Variants in KALRN observed in about 807,000 individuals in gnomAD.
The protein encoded by KALRN is kalirin RhoGEF kinase.
A neutral mutation model predicts 353.7 loss-of-function variants in KALRN; 70 were observed. That is an observed-to-expected ratio of 0.20 (90% CI 0.16 to 0.24). The LOEUF (loss-of-function observed/expected upper bound fraction) is 0.24. Among genes scored for constraint, KALRN ranks in the 10% least tolerant of loss-of-function variants. The pLI is 1.00. For missense variants in KALRN, 2,791 were observed against 3,756.7 expected, an observed-to-expected ratio of 0.74 and a Z score of 6.72; for synonymous variants, 1,391 against 1,434.8, an observed-to-expected ratio of 0.97 and a Z score of 0.69.
intron 19 of KALRN, among the ~76,000 whole-genome samples, chr3:124,443,592 A>T (rs893755228): frequency 6.6e-6 from 1 of 152,224 alleles, no homozygotes; most frequent in Admixed American, 6.5e-5. Flanking sequence ...ATTTGAAAGC[A>T]TATGTTCTGG....
intron 1 of KALRN, among the ~76,000 whole-genome samples, chr3:124,100,932 T>C (rs1182297940): frequency 6.6e-6 from 1 of 152,202 alleles, no homozygotes; most frequent in Non-Finnish European, 1.5e-5. Context: ...GAACTGCTTG[T>C]TGTCATCCTT....
intron 16 of KALRN, 67 bp from the exon 17 acceptor site, chr3:124,434,240 C>A: frequency 7.9e-7 from 1 of 1,261,672 alleles, no homozygotes; most frequent in Non-Finnish European, 1.1e-6. Context: ...TCACGCCTCA[C>A]TCCACCCCCT....
chr3:124,063,199 A>G (rs1419823049), intron 1 of KALRN, among the ~76,000 whole-genome samples: 1 of 152,246 alleles, frequency 6.6e-6, no homozygotes, highest in Non-Finnish European at 1.5e-5. Flanking sequence ...ACTATATGCC[A>G]GTCAGTCTGT....
At chr3:124,285,722 G>A (rs531035058) in intron 5 of KALRN, among the ~76,000 whole-genome samples, 14 of 152,234 alleles carry the variant, frequency 9.2e-5, no homozygotes, top group African/African-American at 3.1e-4. Context: ...TTTTAGTAGA[G>A]ATGGGGTTTT....
chr3:124,671,611 C>T, intron 47 of KALRN, 49 bp from the exon 48 acceptor site: 1 of 1,391,792 alleles, frequency 7.2e-7, no homozygotes, highest in Non-Finnish European at 1.0e-6. Flanking sequence ...CCTCCAAATC[C>T]TTGTGGGATT....
At chr3:124,296,597 A>C (rs1305185012) in intron 5 of KALRN, among the ~76,000 whole-genome samples, 3 of 152,068 alleles carry the variant, frequency 2.0e-5, no homozygotes, top group Admixed American at 6.6e-5. Flanking sequence ...TTCACTACCC[A>C]GCTTAAAACC....
chr3:124,676,386 A>G (rs957916002), intron 49 of KALRN, among the ~76,000 whole-genome samples: 4 of 152,144 alleles, frequency 2.6e-5, no homozygotes, highest in Non-Finnish European at 4.4e-5. Context: ...AAGGCCTGCC[A>G]TAACCACAGG....
At chr3:124,197,276 C>A (rs991814072) in intron 1 of KALRN, among the ~76,000 whole-genome samples, 1 of 152,164 alleles carries the variant, frequency 6.6e-6, no homozygotes, top group Non-Finnish European at 1.5e-5. Context: ...ATTTGGTTTC[C>A]TGAACATCCA....
intron 34 of KALRN, among the ~76,000 whole-genome samples, chr3:124,629,840 A>G (rs904400093): frequency 2.1e-5 from 3 of 145,770 alleles, no homozygotes; most frequent in African/African-American, 5.0e-5. Flanking sequence ...GCTTCTCTCT[A>G]TTGTGTATGG....
At chr3:124,659,856 T>TTA (rs997002781) in intron 43 of KALRN, among the ~76,000 whole-genome samples, 7 of 148,768 alleles carry the variant, frequency 4.7e-5, no homozygotes, top group African/African-American at 9.8e-5. Context: ...AAATTTGATT[T>TTA]TATATATATA....
rs1161494056 is a variant in KALRN, at chr3:124,582,091, G to A, written c.5182+19002G>A. On this transcript the variant is annotated intron_variant, in intron 34 of 59. Coordinates refer to ENST00000682506, the MANE Select transcript of KALRN (RefSeq NM_001388419.1). Reference sequence around the variant, plus strand: ...GCTGGAGTGCAATGGTGCGATCTCCGCTCACTGCAACCTCCGCCTTCCGGG... The same window carrying A: ...GCTGGAGTGCAATGGTGCGATCTCCACTCACTGCAACCTCCGCCTTCCGGG... Among the ~76,000 whole-genome samples, 5 of 148,282 alleles carry A rather than the reference G, an allele frequency of 3.4e-5. 1 individual carries two copies. Among genetic ancestry groups the A allele is most frequent in the Middle Eastern group, 3.3e-3 (1 of 306 alleles).
At chr3:124,522,633 C>A (rs2067260135) in intron 33 of KALRN, among the ~76,000 whole-genome samples, 2 of 152,180 alleles carry the variant, frequency 1.3e-5, no homozygotes, top group South Asian at 4.1e-4. Context: ...TGCAGGGCTG[C>A]ACCCCCGGAG....
At chr3:124,035,575 A>G (rs2039339644) in intron 1 of KALRN, among the ~76,000 whole-genome samples, 1 of 152,112 alleles carries the variant, frequency 6.6e-6, no homozygotes, top group Admixed American at 6.5e-5. Context: ...TCCAAACACT[A>G]GGTCCTGTTC....
At chr3:124,372,924 A>ATGG in intron 10 of KALRN, among the ~76,000 whole-genome samples, 1 of 152,338 alleles carries the variant, frequency 6.6e-6, no homozygotes, top group African/African-American at 2.4e-5. Flanking sequence ...ATGGTAGATG[A>ATGG]GTGGCTACAA....
chr3:124,047,669 AT>A (rs967398933), intron 1 of KALRN, among the ~76,000 whole-genome samples: 8 of 138,300 alleles, frequency 5.8e-5, no homozygotes, highest in East Asian at 5.3e-4. Context: ...ATTTTTTTTT[AT>A]TTTTTTTTAT....
intron 13 of KALRN, among the ~76,000 whole-genome samples, chr3:124,406,974 C>T (rs2091620265): frequency 6.6e-6 from 1 of 151,630 alleles, no homozygotes; most frequent in Non-Finnish European, 1.5e-5. Context: ...GCTGGGATTA[C>T]AGGTATGCGC....
chr3:124,320,792 A>C (rs2079253474), intron 6 of KALRN, among the ~76,000 whole-genome samples: 1 of 152,170 alleles, frequency 6.6e-6, no homozygotes, highest in African/African-American at 2.4e-5. Flanking sequence ...TCAAGGAAAA[A>C]CTTATAGACA....
chr3:124,650,766 T>C (rs1559768929), intron 37 of KALRN, 42 bp from the exon 38 acceptor site: 1 of 1,584,804 alleles, frequency 6.3e-7, no homozygotes. Context: ...CAAATGACTT[T>C]TCAAAGTACA....
At chr3:124,188,979 C>T (rs1023463076) in intron 1 of KALRN, among the ~76,000 whole-genome samples, 5 of 152,162 alleles carry the variant, frequency 3.3e-5, no homozygotes, top group African/African-American at 9.7e-5. Flanking sequence ...AGGCTACAAA[C>T]AAATCTGCTT....
Sources: gnomAD v4.1 joint callset for allele counts (sites outside exome capture counted in the v4.1 genomes callset) on GRCh38, gnomAD v4.1.1 for gene constraint, MANE v1.5 for transcripts, NCBI Gene and HGNC (gene_info 2026-07-23, HGNC 2026-07-21) for gene names.